The following WNT3 variants were observed in gnomAD, a reference collection of about 807,000 sequenced individuals.
The protein encoded by WNT3 is Wnt family member 3, also known as proto-oncogene Wnt-3.
A neutral mutation model predicts 34.2 loss-of-function variants in WNT3; 7 were observed. The observed-to-expected ratio is 0.20, with a 90% CI of 0.12 to 0.38. The LOEUF (loss-of-function observed/expected upper bound fraction) is 0.38, where lower values mean the gene tolerates loss of function less well. Among genes scored for constraint, WNT3 ranks in the 10% least tolerant of loss-of-function variants. WNT3 has a pLI of 1.00. For synonymous variants in WNT3, 212 were observed against 211.5 expected, an observed-to-expected ratio of 1.00 and a Z score of -0.02; for missense variants, 267 against 499.8, an observed-to-expected ratio of 0.53 and a Z score of 4.44.
chr17:46,784,165 A>G (rs1296714403), intron 1 of WNT3, among the ~76,000 whole-genome samples: 1 of 152,150 alleles, frequency 6.6e-6, no homozygotes, highest in African/African-American at 2.4e-5. Context: ...AGCTGTGAAT[A>G]AGGACTGGTA....
intron 1 of WNT3, among the ~76,000 whole-genome samples, chr17:46,806,967 C>A (rs1288753859): frequency 6.6e-6 from 1 of 152,164 alleles, no homozygotes; most frequent in African/African-American, 2.4e-5. Context: ...GTGGCAATAG[C>A]ACCGTCGGCT....
intron 1 of WNT3, among the ~76,000 whole-genome samples, chr17:46,781,204 C>T (rs1030265675): frequency 2.7e-5 from 4 of 145,868 alleles, no homozygotes; most frequent in Non-Finnish European, 6.0e-5. Context: ...CCAGCTTGGG[C>T]GACAGAGCAA....
intron 1 of WNT3, among the ~76,000 whole-genome samples, chr17:46,774,163 C>G (rs1323608137): frequency 6.6e-6 from 1 of 152,234 alleles, no homozygotes; most frequent in Non-Finnish European, 1.5e-5. Flanking sequence ...TGTGGGGGCC[C>G]TTGGGGGCAA....
chr17:46,797,311 G>C (rs1419993114), intron 1 of WNT3, among the ~76,000 whole-genome samples: 9 of 152,228 alleles, frequency 5.9e-5, no homozygotes, highest in Non-Finnish European at 1.0e-4. Flanking sequence ...AAACCTGGGA[G>C]AGAGTGGAAG....
At chr17:46,767,978 G>A (rs973425439) in intron 4 of WNT3, among the ~76,000 whole-genome samples, 2 of 151,980 alleles carry the variant, frequency 1.3e-5, no homozygotes, top group African/African-American at 4.8e-5. Flanking sequence ...TAGTAGAGAC[G>A]GGTTTCACCA....
At chr17:46,766,913 T>C (rs1315235981) in intron 4 of WNT3, among the ~76,000 whole-genome samples, 2 of 152,160 alleles carry the variant, frequency 1.3e-5, no homozygotes, top group Admixed American at 6.5e-5. Flanking sequence ...TCCTTTCATT[T>C]GTCCCTCACA....
chr17:46,785,026 C>T (rs2059492105), intron 1 of WNT3, among the ~76,000 whole-genome samples: 1 of 152,154 alleles, frequency 6.6e-6, no homozygotes, highest in African/African-American at 2.4e-5. Context: ...ATCTGCCCGC[C>T]TTGGCCTCCC....
chr17:46,775,427 C>T (rs2059405118), intron 1 of WNT3, among the ~76,000 whole-genome samples: 2 of 152,088 alleles, frequency 1.3e-5, no homozygotes, highest in South Asian at 4.1e-4. Context: ...TACCCATCCA[C>T]CTTGGTTGTC....
intron 1 of WNT3, among the ~76,000 whole-genome samples, chr17:46,782,861 C>A (rs1288871077): frequency 6.6e-6 from 1 of 152,228 alleles, no homozygotes; most frequent in African/African-American, 2.4e-5. Flanking sequence ...CACATGTGCA[C>A]CCTGCGGGTA....
At chr17:46,770,083 C>A (rs1427053743) in intron 2 of WNT3, 35 bp from the exon 3 acceptor site, 1 of 1,513,982 alleles carries the variant, frequency 6.6e-7, no homozygotes, top group South Asian at 1.3e-5. Context: ...GCACTCAGGA[C>A]CCGGCCTGGG....
At chr17:46,767,444 T>C (rs1019751867) in intron 4 of WNT3, among the ~76,000 whole-genome samples, 2 of 152,192 alleles carry the variant, frequency 1.3e-5, no homozygotes, top group Non-Finnish European at 2.9e-5. Flanking sequence ...GAACTTGCCC[T>C]CTAAGTTCAA....
intron 1 of WNT3, among the ~76,000 whole-genome samples, chr17:46,799,533 C>T (rs572865747): frequency 2.6e-5 from 4 of 151,634 alleles, no homozygotes; most frequent in South Asian, 2.1e-4. Context: ...CTGCAACCTC[C>T]GCCTCCCAGG....
At chr17:46,794,089 G>A (rs777373066) in intron 1 of WNT3, among the ~76,000 whole-genome samples, 1 of 152,138 alleles carries the variant, frequency 6.6e-6, no homozygotes, top group Admixed American at 6.5e-5. Context: ...GGTTAGCAAG[G>A]GGACAGCCAG....
In WNT3 at chr17:46,816,311, G is replaced by A. The variant is rs544609286; in HGVS notation, c.80+2207C>T. Among the ~76,000 whole-genome samples, 4 of 152,036 alleles carry A rather than the reference G, an allele frequency of 2.6e-5. No homozygotes were observed. The South Asian group carries it at 8.3e-4, about 32-fold the overall frequency. On this transcript the variant is annotated intron_variant, in intron 1 of 4. Transcript: ENST00000225512. ...CAGCACCAGCCACTTGCTCACACTC[G>A]TGTGCAGACACACACAGCACAACCT...
chr17:46,797,527 G>C (rs557019369), intron 1 of WNT3, among the ~76,000 whole-genome samples: 103 of 152,352 alleles, frequency 6.8e-4, no homozygotes, highest in Non-Finnish European at 4.3e-4. Flanking sequence ...TGGGCCATGG[G>C]AAAAACAATC....
chr17:46,796,592 C>A (rs1195697979), intron 1 of WNT3, among the ~76,000 whole-genome samples: 1 of 152,222 alleles, frequency 6.6e-6, no homozygotes, highest in East Asian at 1.9e-4. Flanking sequence ...GAGGCAAGCG[C>A]AACTTGGTTC....
intron 1 of WNT3, among the ~76,000 whole-genome samples, chr17:46,816,103 G>A (rs143542181): frequency 5.0e-5 from 3 of 59,454 alleles, no homozygotes; most frequent in African/African-American, 1.8e-4. Flanking sequence ...GAAGGCATGC[G>A]CGCGCACGTA....
intron 1 of WNT3, among the ~76,000 whole-genome samples, chr17:46,809,860 G>A (rs1489868678): frequency 6.6e-6 from 1 of 152,114 alleles, no homozygotes; most frequent in Non-Finnish European, 1.5e-5. Flanking sequence ...GGAAGGAGCT[G>A]AGGACTCCCC....
At chr17:46,786,028 G>A (rs2059502524) in intron 1 of WNT3, among the ~76,000 whole-genome samples, 1 of 152,182 alleles carries the variant, frequency 6.6e-6, no homozygotes, top group Non-Finnish European at 1.5e-5. Context: ...GTTGTGTTGT[G>A]AGCATGAAGT....
Sources: allele counts gnomAD v4.1 joint callset (sites outside exome capture counted in the v4.1 genomes callset), GRCh38; gene constraint gnomAD v4.1.1; transcripts MANE v1.5; gene names NCBI Gene and HGNC (gene_info 2026-07-23, HGNC 2026-07-21).